GRK4: variants seen among roughly 807,000 people sequenced by gnomAD.
The protein encoded by GRK4 is G protein-coupled receptor kinase 4, also known as G protein-coupled receptor kinase 2-like.
GRK4 carries 73 observed loss-of-function variants against 77.9 expected under a neutral mutation model. The observed-to-expected ratio is 0.94, with a 90% CI of 0.78 to 1.14. The LOEUF is 1.14. Ranked by LOEUF, GRK4 falls within the 50% of genes most tolerant of loss-of-function variation. The pLI, the probability that GRK4 is intolerant of heterozygous loss-of-function variation, is 0.00. For missense variants in GRK4, 729 were observed against 700.2 expected (o/e 1.04, Z -0.46); for synonymous variants, 257 against 254.4 (o/e 1.01, Z -0.10).
intron 10 of GRK4, among the ~76,000 whole-genome samples, chr4:3,026,636 G>A (rs1737652603): frequency 1.3e-5 from 2 of 152,212 alleles, no homozygotes; most frequent in Non-Finnish European, 2.9e-5. Flanking sequence ...AGGAAACTGA[G>A]ACATGATAGT....
At chr4:3,014,300 T>C (rs1055195396) in intron 8 of GRK4, among the ~76,000 whole-genome samples, 1 of 146,122 alleles carries the variant, frequency 6.8e-6, no homozygotes, top group African/African-American at 2.6e-5. Context: ...CTCTCTCTTT[T>C]TTTTTTTTTT....
At chr4:2,965,502 G>A (rs1177697042) in intron 1 of GRK4, 2 of 700,294 alleles carry the variant, frequency 2.9e-6, no homozygotes, top group Non-Finnish European at 2.6e-6. Context: ...CTCCAGGACA[G>A]TGTAAATGCC....
intron 8 of GRK4, among the ~76,000 whole-genome samples, chr4:3,016,144 G>A (rs930928118): frequency 1.3e-5 from 2 of 149,306 alleles, no homozygotes; most frequent in Non-Finnish European, 3.0e-5. Flanking sequence ...TCCTGACCTT[G>A]TGATCTACCC....
intron 1 of GRK4, among the ~76,000 whole-genome samples, chr4:2,983,941 T>G (rs1009416787): frequency 6.6e-6 from 1 of 152,116 alleles, no homozygotes; most frequent in Non-Finnish European, 1.5e-5. Flanking sequence ...CTGCCACTTT[T>G]AAAACCATCA....
At chr4:2,969,383 T>A (rs909763823) in intron 1 of GRK4, 1 of 150,648 alleles carries the variant, frequency 6.6e-6, no homozygotes, top group East Asian at 1.9e-4. Flanking sequence ...TCTTTTCTTT[T>A]TTTTTTTTTT....
intron 12 of GRK4, 96 bp downstream of exon 12, chr4:3,029,505 T>C: frequency 9.8e-7 from 1 of 1,017,718 alleles, no homozygotes; most frequent in Non-Finnish European, 1.5e-6. Flanking sequence ...GTCTGTCATC[T>C]TCAGCAAGTC....
intron 12 of GRK4, among the ~76,000 whole-genome samples, chr4:3,035,028 C>T (rs567315665): frequency 2.6e-5 from 4 of 151,928 alleles, no homozygotes; most frequent in Admixed American, 1.3e-4. Flanking sequence ...GAGGTCGAGG[C>T]GGGTGGATCA....
At chr4:2,965,710 G>T in intron 1 of GRK4, 1 of 479,684 alleles carries the variant, frequency 2.1e-6, no homozygotes. Context: ...CATCTTCTCA[G>T]TATTTTTGTG....
chr4:3,006,006 G>A (rs943843345), intron 5 of GRK4, among the ~76,000 whole-genome samples: 4 of 151,930 alleles, frequency 2.6e-5, no homozygotes, highest in Admixed American at 6.6e-5. Flanking sequence ...GTATGGCACC[G>A]GACTAGAACC....
chr4:2,965,142 A>C (rs967732133), intron 1 of GRK4: 1 of 615,842 alleles, frequency 1.6e-6, no homozygotes, highest in African/African-American at 1.8e-5. Flanking sequence ...AATCCTGCTT[A>C]GTCTTTGTTC....
chr4:2,967,642 G>A (rs1455261266), intron 1 of GRK4, among the ~76,000 whole-genome samples: 3 of 151,978 alleles, frequency 2.0e-5, no homozygotes, highest in African/African-American at 4.8e-5. Context: ...CAAGTGATTC[G>A]CCCACCTCAG....
At chr4:2,983,534 A>G (rs1252221102) in intron 1 of GRK4, among the ~76,000 whole-genome samples, 1 of 152,216 alleles carries the variant, frequency 6.6e-6, no homozygotes, top group Non-Finnish European at 1.5e-5. Flanking sequence ...AGCACTTGCC[A>G]AGACTCTGCC....
rs2516311 is a variant in GRK4 at position 3,010,922 on chromosome 4, A to C, written c.600+1211A>C. On this transcript the variant is annotated intron_variant, in intron 7 of 15. Transcript: ENST00000398052. Reference sequence around the variant, plus strand: ...AATTGGCCAACGTAGTTGTTACTTCAGGAGAAGTAACAGTACTGTCCCTCT... The same window carrying C: ...AATTGGCCAACGTAGTTGTTACTTCCGGAGAAGTAACAGTACTGTCCCTCT... Among the ~76,000 whole-genome samples, 200 of 152,308 alleles carry C rather than the reference A, an allele frequency of 1.3e-3. 2 individuals carry two copies. The highest frequency in any genetic ancestry group is 1.2e-3 in the Non-Finnish European group (84 of 68,032).
At chr4:3,009,544 A>G (rs1732284679) in intron 6 of GRK4, 104 bp from the exon 7 acceptor site, 1 of 800,030 alleles carries the variant, frequency 1.2e-6, no homozygotes, top group East Asian at 2.6e-5. Flanking sequence ...CCCTTTGAGC[A>G]GAATGGTTCA....
At chr4:2,994,301 C>T (rs1336257066) in intron 4 of GRK4, among the ~76,000 whole-genome samples, 3 of 152,226 alleles carry the variant, frequency 2.0e-5, no homozygotes, top group Admixed American at 6.5e-5. Context: ...GCCTCTGCCT[C>T]CCGGGTTCAA....
intron 1 of GRK4, chr4:2,966,721 G>A (rs1261896668): frequency 2.0e-5 from 3 of 152,200 alleles, no homozygotes; most frequent in Non-Finnish European, 4.4e-5. Context: ...TTCATGGACA[G>A]CTCCTTGTTT....
intron 1 of GRK4, among the ~76,000 whole-genome samples, chr4:2,970,142 A>T (rs1577933120): frequency 6.6e-6 from 1 of 152,206 alleles, no homozygotes; most frequent in Non-Finnish European, 1.5e-5. Context: ...AATAATGTCT[A>T]CCGTCTGTTA....
chr4:2,991,214 C>T (rs1049362951), intron 3 of GRK4, among the ~76,000 whole-genome samples: 4 of 152,192 alleles, frequency 2.6e-5, no homozygotes, highest in African/African-American at 9.6e-5. Flanking sequence ...AAGCTGCCGT[C>T]CTCAGGCAGA....
chr4:2,983,170 G>A (rs1723319097), intron 1 of GRK4, among the ~76,000 whole-genome samples: 1 of 152,178 alleles, frequency 6.6e-6, no homozygotes, highest in Admixed American at 6.5e-5. Flanking sequence ...CTCTAGCCGA[G>A]CCTCTTCTGA....
Sources: gnomAD v4.1 joint callset for allele counts (sites outside exome capture counted in the v4.1 genomes callset) on GRCh38, gnomAD v4.1.1 for gene constraint, MANE v1.5 for transcripts, NCBI Gene and HGNC (gene_info 2026-07-23, HGNC 2026-07-21) for gene names.